The following CACHD1 variants were observed in gnomAD, a reference collection of about 807,000 sequenced individuals.
CACHD1 encodes cache domain containing 1, also known as VWFA and cache domain-containing protein 1.
CACHD1 carries 71 observed loss-of-function variants against 138.7 expected under a neutral mutation model. That is an observed-to-expected ratio of 0.51 (90% CI 0.42 to 0.62). CACHD1 has a LOEUF of 0.62. CACHD1 is among the 20% of genes least tolerant of loss of function. The pLI is 0.00. For missense variants in CACHD1, 1,389 were observed against 1,625.3 expected, an observed-to-expected ratio of 0.85 and a Z score of 2.50; for synonymous variants, 578 against 591.5, an observed-to-expected ratio of 0.98 and a Z score of 0.33.
intron 1 of CACHD1, among the ~76,000 whole-genome samples, chr1:64,501,580 AT>A (rs1646340357): frequency 6.6e-6 from 1 of 152,210 alleles, no homozygotes; most frequent in Non-Finnish European, 1.5e-5. Context: ...GTTTCTAGAA[AT>A]TACATCTTCT....
chr1:64,521,816 T>A (rs912327638), intron 1 of CACHD1, among the ~76,000 whole-genome samples: 1 of 152,236 alleles, frequency 6.6e-6, no homozygotes, highest in Non-Finnish European at 1.5e-5. Context: ...TGCCTATTTT[T>A]AAATTATCTT....
rs760956870 is a variant in CACHD1, at chr1:64,673,241, A to G, written c.2594A>G (p.Gln865Arg). Residue 865 changes from glutamine (Q) to arginine (R), a missense_variant, in exon 18 of 27, where the codon CAG becomes CGG. Gln to Arg is a conservative substitution (Grantham distance 43). Coordinates refer to ENST00000651257, the MANE Select transcript of CACHD1 (RefSeq NM_020925.4). ...AAAGGACATGCACCTGTGGAGCAGC[A>G]GCACATCACCCACAAGGTATTTGTC... is the stretch of plus-strand genomic sequence containing the variant. ...DPKGHAPVEQ[Q>R]HITHKEPLVA... 1.2e-6 allele frequency: 2 copies of G among 1,614,134 alleles called. No individual in the cohort carries two copies. Among genetic ancestry groups the G allele is most frequent in the Admixed American group, 3.3e-5 (2 of 60,018 alleles).
At chr1:64,547,643 AGGCAT>A (rs1006904697) in intron 1 of CACHD1, among the ~76,000 whole-genome samples, 7 of 152,158 alleles carry the variant, frequency 4.6e-5, no homozygotes, top group African/African-American at 1.7e-4. Flanking sequence ...CTGGGATTAC[AGGCAT>A]GAGCCACCGC....
rs144571871 is a variant in CACHD1 at position 64,667,379 on chromosome 1, A to G, written c.2387+1212A>G. 8.8e-3 allele frequency among the ~76,000 whole-genome samples: 1,345 copies of G among 152,336 alleles called. 6 individuals carry two copies. The highest frequency in any genetic ancestry group is 0.012 in the Non-Finnish European group (841 of 68,036). On this transcript the variant is annotated intron_variant, in intron 16 of 26. Coordinates refer to ENST00000651257, the MANE Select transcript of CACHD1 (RefSeq NM_020925.4). ...CATTGGGAGCAAGAATTGGGAGGCC[A>G]TAGGTGTGGAATTTCAATATCATGG...
rs373769654 is a variant in CACHD1, at chr1:64,577,174, G to A, written c.262-4982G>A. The stretch of plus-strand genomic sequence containing the variant: ...TTGCCCAGACTGGTCTTGAACTCTT[G>A]GGCTCAAGTGATCCACCTGCCTCAG... On this transcript the variant is annotated intron_variant, in intron 2 of 26. Transcript: ENST00000651257. Among the ~76,000 whole-genome samples, 50 of 152,096 alleles carry A rather than the reference G, an allele frequency of 3.3e-4. 1 individual carries two copies. The highest frequency in any genetic ancestry group is 1.2e-3 in the African/African-American group (48 of 41,514).
intron 26 of CACHD1, among the ~76,000 whole-genome samples, 156 bp from the exon 27 acceptor site, chr1:64,691,167 A>G (rs901255335): frequency 2.0e-5 from 3 of 152,172 alleles, no homozygotes; most frequent in African/African-American, 4.8e-5. Flanking sequence ...TCTCTTTAAA[A>G]ATAAATTACT....
At chr1:64,558,731 A>G (rs374407637) in intron 2 of CACHD1, among the ~76,000 whole-genome samples, 20 of 152,290 alleles carry the variant, frequency 1.3e-4, no homozygotes, top group African/African-American at 4.6e-4. Flanking sequence ...AAGGGAGAAA[A>G]TTTTTGCAAA....
rs111369526 is a variant in CACHD1 at position 64,597,510 on chromosome 1, GTT to G, written c.411-5287_411-5286del. Among the ~76,000 whole-genome samples, 86 of 111,550 alleles carry G rather than the reference GTT, an allele frequency of 7.7e-4. 2 individuals carry two copies. The highest frequency in any genetic ancestry group is 1.6e-3 in the South Asian group (5 of 3,122). The allele number at this position is 111,550 out of a possible 152,430, so 73.2% of individuals were successfully genotyped here. ...TTCATGAAAGTAAATCCAGAAGGAA[GTT>G]TTTTTTTTGTTGTTTTTTTTTTTTT... On this transcript the variant is annotated intron_variant, in intron 3 of 26. Coordinates refer to ENST00000651257, the MANE Select transcript of CACHD1 (RefSeq NM_020925.4).
intron 7 of CACHD1, among the ~76,000 whole-genome samples, chr1:64,635,384 T>A (rs1003935899): frequency 2.0e-4 from 30 of 147,428 alleles, no homozygotes; most frequent in African/African-American, 6.8e-4. Flanking sequence ...AATTTAATTT[T>A]TTTTTTTTTT....
chr1:64,504,919 TG>T (rs1377202080), intron 1 of CACHD1, among the ~76,000 whole-genome samples: 1 of 152,168 alleles, frequency 6.6e-6, no homozygotes, highest in African/African-American at 2.4e-5. Flanking sequence ...GAGCACACAG[TG>T]GCTGTTCAAG....
chr1:64,545,610 G>A (rs1446364932), intron 1 of CACHD1, among the ~76,000 whole-genome samples: 2 of 152,180 alleles, frequency 1.3e-5, no homozygotes, highest in Non-Finnish European at 2.9e-5. Flanking sequence ...ATTGCTGATA[G>A]GCATTTGAGT....
intron 26 of CACHD1, among the ~76,000 whole-genome samples, chr1:64,689,985 G>A (rs754816576): frequency 3.3e-5 from 5 of 152,142 alleles, no homozygotes; most frequent in Non-Finnish European, 5.9e-5. Context: ...AAATCATTAG[G>A]GAAAGATGAC....
chr1:64,618,801 G>A (rs926334622), intron 4 of CACHD1, among the ~76,000 whole-genome samples: 1 of 152,106 alleles, frequency 6.6e-6, no homozygotes, highest in African/African-American at 2.4e-5. Flanking sequence ...GTGTGTTTTC[G>A]TTTGTCTGTG....
intron 9 of CACHD1, among the ~76,000 whole-genome samples, chr1:64,649,396 G>A (rs1358225582): frequency 6.6e-6 from 1 of 152,082 alleles, no homozygotes; most frequent in South Asian, 2.1e-4. Context: ...GACTACAGAT[G>A]TATATAGAAT....
At position 64,676,935 on chromosome 1, in the gene CACHD1, A is replaced by G. The variant is rs375439591; in HGVS notation, c.3016A>G (p.Thr1006Ala). 1.6e-5 allele frequency: 26 copies of G among 1,613,958 alleles called. No homozygotes were observed. The highest frequency in any genetic ancestry group is 1.9e-5 in the Non-Finnish European group (23 of 1,179,906). Residue 1006 changes from threonine to alanine, a missense_variant, in exon 22 of 27, where the codon ACA (threonine) becomes GCA (alanine). Thr to Ala is a moderately conservative substitution (Grantham distance 58). Around this residue, in one of 5 missense-constraint regions of CACHD1, gnomAD observed 250 missense variants for 292.9 expected, o/e 0.85. Coordinates refer to ENST00000651257, the MANE Select transcript of CACHD1 (RefSeq NM_020925.4). Reference sequence around the variant, plus strand: ...GGTCCACCAGGAGCCGGTGACATACACAGCTATTGACCCTGGCCTGCAAGA... The same window carrying G: ...GGTCCACCAGGAGCCGGTGACATACGCAGCTATTGACCCTGGCCTGCAAGA... Reference protein sequence around the residue: ...CEVHQEPVTYTAIDPGLQDAL... With the variant: ...CEVHQEPVTYAAIDPGLQDAL...
At chr1:64,507,364 C>T (rs961180418) in intron 1 of CACHD1, among the ~76,000 whole-genome samples, 1 of 152,232 alleles carries the variant, frequency 6.6e-6, no homozygotes. Flanking sequence ...CCCATCTTTG[C>T]TTTGTCCTTG....
chr1:64,623,186 G>A (rs1647977138), intron 4 of CACHD1, among the ~76,000 whole-genome samples: 1 of 152,146 alleles, frequency 6.6e-6, no homozygotes, highest in South Asian at 2.1e-4. Context: ...CAGATCACCT[G>A]AGGTCAGGAG....
chr1:64,666,363 A>G (rs965653991), intron 16 of CACHD1, among the ~76,000 whole-genome samples, 196 bp downstream of exon 16: 1 of 152,168 alleles, frequency 6.6e-6, no homozygotes, highest in African/African-American at 2.4e-5. Flanking sequence ...TAAAATGGGA[A>G]TGATACCTAC....
At position 64,682,076 on chromosome 1, in the gene CACHD1, T is replaced by C. The variant is rs1371859366; in HGVS notation, c.3556T>C (p.Trp1186Arg). 2 of 1,614,104 alleles carry C rather than the reference T, an allele frequency of 1.2e-6. No homozygotes were observed. The highest frequency in any genetic ancestry group is 1.7e-6 in the Non-Finnish European group (2 of 1,179,996). The part of the protein sequence containing the change: ...AHSPERRRRY[W>R]GRSGTESDHG... ...CAGTCCAGAAAGAAGGCGCCGCTAC[T>C]GGGGTCGATCAGGAACAGAAAGTGA... The change falls in exon 26 of 27, where the codon TGG becomes CGG. Residue 1186 changes from tryptophan (W) to arginine (R), a missense_variant. By Grantham distance (101) the Trp-to-Arg change is moderately radical. Around this residue, in one of 5 missense-constraint regions of CACHD1, gnomAD observed 250 missense variants for 292.9 expected, o/e 0.85. Transcript: ENST00000651257.
Sources: allele counts gnomAD v4.1 joint callset (sites outside exome capture counted in the v4.1 genomes callset), GRCh38; gene constraint gnomAD v4.1.1; regional missense constraint gnomAD v4.1.1; transcripts MANE v1.5; gene names NCBI Gene and HGNC (gene_info 2026-07-23, HGNC 2026-07-21).